GYG2: variants seen among roughly 807,000 people sequenced by gnomAD.
GYG2 encodes glycogenin-2.
GYG2 carries 29 observed loss-of-function variants against 29.4 expected under a neutral mutation model. The observed-to-expected ratio is 0.99, with a 90% CI of 0.74 to 1.35. The LOEUF is 1.35. Ranked by LOEUF, GYG2 falls within the 40% of genes most tolerant of loss-of-function variation. GYG2 has a pLI of 0.00. For missense variants in GYG2, 370 were observed against 385.7 expected (o/e 0.96, Z 0.34); for synonymous variants, 167 against 172.3 (o/e 0.97, Z 0.24).
Position 2,881,679 on chromosome X carries a change from C to G in GYG2, c.*466C>G, listed in dbSNP as rs1163656147. 8.9e-6 allele frequency: 1 copy of G among 112,575 alleles called. No individual in the cohort carries two copies. Among genetic ancestry groups the G allele is most frequent in the Non-Finnish European group, 1.9e-5 (1 of 53,834 alleles). 9.3% of individuals were successfully genotyped at this position (112,575 alleles called of 1,213,427 possible). On this transcript the variant is annotated 3_prime_UTR_variant, in exon 11 of 11. Coordinates refer to ENST00000398806, the MANE Select transcript of GYG2 (RefSeq NM_001079855.2). ...ACCTCTGAGGCTTTGCCATGGAGAC[C>G]CATTTCTGTAGGGCTAAGGAAACAT... is the stretch of plus-strand genomic sequence containing the variant.
chrX:2,868,067 G>A (rs1282861778), intron 8 of GYG2, among the ~76,000 whole-genome samples: 1 of 111,327 alleles, frequency 9.0e-6, no homozygotes, highest in Non-Finnish European at 1.9e-5. Context: ...CTGCACTCCA[G>A]CCTGGGTGAC....
intron 8 of GYG2, among the ~76,000 whole-genome samples, chrX:2,874,097 A>AAAATAAAT (rs200188233): frequency 0.16 from 17,162 of 109,767 alleles, 1,155 homozygotes; most frequent in South Asian, 0.33. Context: ...AAAATAAAAT[A>AAAATAAAT]AAATAAATAA....
intron 3 of GYG2, among the ~76,000 whole-genome samples, chrX:2,846,127 C>T (rs191022237): frequency 1.2e-5 from 1 of 83,406 alleles, no homozygotes; most frequent in African/African-American, 4.8e-5. Context: ...AGTGCCATGG[C>T]GCGATCTTGG....
In GYG2 at chrX:2,837,851, AC is replaced by A. The variant is rs1354705571; in HGVS notation, c.8-5361del. Among the ~76,000 whole-genome samples the A allele has an allele frequency of 2.1e-3, 225 of 108,134 alleles. 1 individual carries two copies. The highest frequency in any genetic ancestry group is 6.7e-3 in the African/African-American group (200 of 29,763). 93.9% of individuals were successfully genotyped at this position (108,134 alleles called of 115,157 possible). On this transcript the variant is annotated intron_variant, in intron 2 of 10. Coordinates refer to ENST00000398806, the MANE Select transcript of GYG2 (RefSeq NM_001079855.2). ...TTTGCAATTAAATACACACACACACACACACACACACACACACATACACACA... is the reference window on the plus strand; with the variant it reads ...TTTGCAATTAAATACACACACACACAACACACACACACACACATACACACA...
intron 2 of GYG2, among the ~76,000 whole-genome samples, chrX:2,837,870 TAC>T (rs1258526727): frequency 1.3e-4 from 11 of 85,011 alleles, no homozygotes; most frequent in East Asian, 3.8e-4. Context: ...CACACACACA[TAC>T]ACACACACAC....
intron 8 of GYG2, among the ~76,000 whole-genome samples, chrX:2,869,354 C>T (rs1298671386): frequency 9.0e-6 from 1 of 110,712 alleles, no homozygotes; most frequent in Non-Finnish European, 1.9e-5. Context: ...TTTGGTATAA[C>T]CAGGAGGTCC....
In GYG2 at chrX:2,861,529, A is replaced by T. The variant is rs2306735; in HGVS notation, c.845A>T (p.His282Leu). 3 of 1,201,159 alleles carry T rather than the reference A, an allele frequency of 2.5e-6. No individual in the cohort carries two copies. Among genetic ancestry groups the T allele is most frequent in the Non-Finnish European group, 1.1e-6 (1 of 889,678 alleles). ...GTGTGTGTTTTTGTGCAGCTTTGCC[A>T]CAGTGATGTGGGGGGGCCGTGTGCG... The part of the protein sequence containing the change: ...ARASPGHTLC[H>L]SDVGGPCADS... The change falls in exon 8 of 11, where the codon CAC (histidine) becomes CTC (leucine). Residue 282 changes from histidine to leucine, a missense_variant. Coordinates refer to ENST00000398806, the MANE Select transcript of GYG2 (RefSeq NM_001079855.2).
intron 3 of GYG2, among the ~76,000 whole-genome samples, chrX:2,847,574 G>A (rs1286341660): frequency 9.5e-6 from 1 of 105,370 alleles, no homozygotes; most frequent in Non-Finnish European, 1.9e-5. Flanking sequence ...TGTGGTGGCA[G>A]GCACCTGTAA....
chrX:2,837,675 A>G (rs1016897780), intron 2 of GYG2, among the ~76,000 whole-genome samples: 4 of 111,561 alleles, frequency 3.6e-5, no homozygotes, highest in Non-Finnish European at 7.5e-5. Context: ...AATAATCTAT[A>G]CATTGGAGAT....
At chrX:2,846,601 C>T (rs1252485540) in intron 3 of GYG2, among the ~76,000 whole-genome samples, 2 of 109,819 alleles carry the variant, frequency 1.8e-5, no homozygotes, top group African/African-American at 6.6e-5. Flanking sequence ...AAGAGTTAGC[C>T]AGGTGTGGTG....
rs759360355 is a variant in GYG2, at chrX:2,856,629, G to A, written c.614+5G>A. ...TTACAGCCCTGCCTTCAAGCAGTAA[G>A]TTCTCCACCCTGGCGAATCCTGCCA... On this transcript the variant is annotated splice_donor_5th_base_variant and intron_variant, in intron 6 of 10. Coordinates refer to ENST00000398806, the MANE Select transcript of GYG2 (RefSeq NM_001079855.2). The A allele has an allele frequency of 8.3e-7, 1 of 1,200,856 alleles. No individual in the cohort carries two copies. Among genetic ancestry groups the A allele is most frequent in the East Asian group, 3.0e-5 (1 of 33,580 alleles).
At chrX:2,835,672 C>A (rs76717131) in intron 2 of GYG2, among the ~76,000 whole-genome samples, 14,613 of 109,630 alleles carry the variant, frequency 0.13, 783 homozygotes, top group South Asian at 0.29. Context: ...ACATCTGGAG[C>A]CACCAGGAGC....
intron 3 of GYG2, among the ~76,000 whole-genome samples, chrX:2,846,026 T>C (rs773983192): frequency 1.4e-4 from 9 of 65,704 alleles, no homozygotes; most frequent in African/African-American, 3.3e-4. Context: ...CACACACACA[T>C]ATATATACAC....
intron 2 of GYG2, among the ~76,000 whole-genome samples, chrX:2,833,565 C>A (rs759398740): frequency 2.1e-4 from 23 of 111,603 alleles, no homozygotes; most frequent in African/African-American, 7.2e-4. Context: ...ATTAAAAAAA[C>A]CAGCGCACAT....
At chrX:2,874,591 T>TTGA (rs1175694152) in intron 8 of GYG2, among the ~76,000 whole-genome samples, 9 of 112,569 alleles carry the variant, frequency 8.0e-5, no homozygotes, top group Non-Finnish European at 1.1e-4. Flanking sequence ...TCTGTCTTCT[T>TTGA]TGACAGTAAG....
chrX:2,835,938 G>A lies in GYG2; in HGVS notation c.7+5743G>A, dbSNP rs753869038. Among the ~76,000 whole-genome samples the A allele has an allele frequency of 2.9e-3, 316 of 110,770 alleles. 1 individual carries two copies. The highest frequency in any genetic ancestry group is 0.01 in the African/African-American group (313 of 30,511). Reference sequence around the variant, plus strand: ...GTCATAGGAGGTGAGGGACTGTGATGAGAAGGGTCGTCTTGGGGAGCAGGG... The same window carrying A: ...GTCATAGGAGGTGAGGGACTGTGATAAGAAGGGTCGTCTTGGGGAGCAGGG... On this transcript the variant is annotated intron_variant, in intron 2 of 10. Transcript: ENST00000398806.
At chrX:2,877,098 G>T in intron 9 of GYG2, 102 bp from the exon 10 acceptor site, 2 of 1,093,857 alleles carry the variant, frequency 1.8e-6, no homozygotes, top group South Asian at 4.4e-5. Flanking sequence ...CCAATAATTT[G>T]ATTTTATTTT....
intron 8 of GYG2, among the ~76,000 whole-genome samples, chrX:2,872,964 A>G (rs2147263830): frequency 8.9e-6 from 1 of 112,198 alleles, no homozygotes; most frequent in South Asian, 3.7e-4. Context: ...CAGTTATTGC[A>G]TTCGTCATTT....
At chrX:2,853,291 A>G (rs1039652535) in intron 3 of GYG2, among the ~76,000 whole-genome samples, 5 of 110,760 alleles carry the variant, frequency 4.5e-5, no homozygotes, top group African/African-American at 1.3e-4. Flanking sequence ...GGTCAGTGCA[A>G]TCTCCGCCTC....
Sources: gnomAD v4.1 joint callset for allele counts (sites outside exome capture counted in the v4.1 genomes callset) on GRCh38, gnomAD v4.1.1 for gene constraint, MANE v1.5 for transcripts, NCBI Gene and HGNC (gene_info 2026-07-23, HGNC 2026-07-21) for gene names.